The following NCOR2 variants were observed in gnomAD, a reference collection of about 807,000 sequenced individuals.
NCOR2 encodes CTG repeat protein 26.
A neutral mutation model predicts 262.9 loss-of-function variants in NCOR2; 81 were observed. The observed-to-expected ratio is 0.31, with a 90% CI of 0.26 to 0.37. The LOEUF (loss-of-function observed/expected upper bound fraction) is 0.37, where lower values mean the gene tolerates loss of function less well. Ranked by LOEUF, NCOR2 falls within the 10% of genes least tolerant of loss-of-function variation. The pLI, the probability that NCOR2 is intolerant of heterozygous loss-of-function variation, is 1.00. For synonymous variants in NCOR2, 1,659 were observed against 1,559.3 expected (o/e 1.06, Z -1.51); for missense variants, 3,385 against 3,621.4 (o/e 0.93, Z 1.68).
intron 5 of NCOR2, among the ~76,000 whole-genome samples, chr12:124,459,417 G>C (rs566283623): frequency 6.6e-6 from 1 of 152,046 alleles, no homozygotes; most frequent in East Asian, 1.9e-4. Flanking sequence ...CCTGCTCCAC[G>C]GTCTTCTCTG....
chr12:124,446,003 G>A (rs773026428), intron 7 of NCOR2, among the ~76,000 whole-genome samples: 1 of 152,254 alleles, frequency 6.6e-6, no homozygotes, highest in Non-Finnish European at 1.5e-5. Flanking sequence ...TCCCACTTGA[G>A]GTCCCTGTGT....
At chr12:124,553,267 A>G (rs1176105263) in intron 1 of NCOR2, among the ~76,000 whole-genome samples, 1 of 152,212 alleles carries the variant, frequency 6.6e-6, no homozygotes, top group Non-Finnish European at 1.5e-5. Context: ...ATAATCTAGG[A>G]TAATCTCCCA....
exon 4 of NCOR2, chr12:124,473,033 C>T: frequency 1.2e-6 from 2 of 1,614,164 alleles, no homozygotes; most frequent in Non-Finnish European, 1.7e-6. Flanking sequence ...GGATCAGCTC[C>T]TCCTTGGACA....
At chr12:124,439,861 C>T (rs571762708) in intron 7 of NCOR2, among the ~76,000 whole-genome samples, 21 of 151,826 alleles carry the variant, frequency 1.4e-4, no homozygotes, top group African/African-American at 4.1e-4. Context: ...AGACAAGACC[C>T]GAAGAAAGGG....
intron 7 of NCOR2, among the ~76,000 whole-genome samples, chr12:124,445,255 C>T (rs554577253): frequency 6.6e-6 from 1 of 152,330 alleles, no homozygotes; most frequent in East Asian, 1.9e-4. Flanking sequence ...CATAGACTCC[C>T]GGGAATTCCT....
At chr12:124,412,640 T>C (rs183828898) in intron 13 of NCOR2, among the ~76,000 whole-genome samples, 9 of 152,336 alleles carry the variant, frequency 5.9e-5, no homozygotes, top group South Asian at 4.1e-4. Context: ...ATGGGTGGTC[T>C]GGGCTGTGGG....
At chr12:124,335,100 A>C (rs749982452) in intron 40 of NCOR2, 35 bp downstream of exon 42, 45 of 1,612,066 alleles carry the variant, frequency 2.8e-5, no homozygotes, top group Non-Finnish European at 3.7e-5. Flanking sequence ...CCCAGGTGCA[A>C]AGGTGACAAG....
intron 33 of NCOR2, among the ~76,000 whole-genome samples, chr12:124,342,663 C>G (rs117216700): frequency 0.035 from 5,286 of 152,226 alleles, 133 homozygotes; most frequent in Middle Eastern, 0.065. Context: ...CCACCGTGCC[C>G]GGCAACTTTT....
intron 34 of NCOR2, 138 bp downstream of exon 36, chr12:124,341,685 C>G: frequency 7.5e-7 from 1 of 1,335,716 alleles, no homozygotes; most frequent in Non-Finnish European, 1.0e-6. Context: ...CAACCCCAGG[C>G]CACCCACTCA....
chr12:124,559,326 G>C (rs764902574), intron 1 of NCOR2, among the ~76,000 whole-genome samples: 31 of 152,172 alleles, frequency 2.0e-4, no homozygotes, highest in Non-Finnish European at 3.8e-4. Flanking sequence ...AGGTCTCCGG[G>C]TACCACAGTG....
chr12:124,546,416 TTTTTG>T (rs571051700), intron 1 of NCOR2, among the ~76,000 whole-genome samples: 36 of 152,054 alleles, frequency 2.4e-4, no homozygotes, highest in South Asian at 1.9e-3. Flanking sequence ...GGGTTTTGGG[TTTTTG>T]TTTTGTTTTG....
chr12:124,457,977 G>A lies in NCOR2; in HGVS notation c.706-815C>T, dbSNP rs376853614. Among the ~76,000 whole-genome samples, 13 of 152,206 alleles carry A rather than the reference G, an allele frequency of 8.5e-5. No homozygotes were observed. Among genetic ancestry groups the A allele is most frequent in the African/African-American group, 2.9e-4 (12 of 41,460 alleles). On this transcript the variant is annotated intron_variant, in intron 5 of 46. Coordinates refer to ENST00000405201, the Ensembl canonical transcript of NCOR2. The surrounding 1 kb of genome is among the most constrained non-coding windows in gnomAD (Gnocchi z 4.0). ...AAGGTGGCTTCATGGGGGCTGTGGC[G>A]GAGGGCAGGGGCAGAATTTGCGTGG...
At chr12:124,398,035 T>A in intron 16 of NCOR2, 84 bp downstream of exon 18, 1 of 1,531,172 alleles carries the variant, frequency 6.5e-7, no homozygotes, top group Non-Finnish European at 9.0e-7. Flanking sequence ...CAAGGCCAAA[T>A]GTGTCAACAC....
At chr12:124,564,243 C>T (rs533279081) in intron 1 of NCOR2, among the ~76,000 whole-genome samples, 2 of 152,232 alleles carry the variant, frequency 1.3e-5, no homozygotes, top group Non-Finnish European at 2.9e-5. Flanking sequence ...CCAAGCATCA[C>T]TTCCCTGGGG....
chr12:124,502,719 T>C (rs1328434699), intron 1 of NCOR2, among the ~76,000 whole-genome samples: 1 of 152,136 alleles, frequency 6.6e-6, no homozygotes, highest in Non-Finnish European at 1.5e-5. Flanking sequence ...TGGTGCACTT[T>C]AAACAAGGCT....
intron 18 of NCOR2, among the ~76,000 whole-genome samples, chr12:124,375,880 C>T (rs949993942): frequency 2.6e-5 from 4 of 152,214 alleles, no homozygotes; most frequent in Admixed American, 2.0e-4. Context: ...CCACTGCCCC[C>T]GGGGAGGGGC....
chr12:124,452,313 T>C (rs565636964), intron 6 of NCOR2, among the ~76,000 whole-genome samples: 1 of 152,330 alleles, frequency 6.6e-6, no homozygotes, highest in East Asian at 1.9e-4. Context: ...CACTGGCTCC[T>C]TTATGTTCCC....
chr12:124,400,873 G>GGA (rs769543481), intron 14 of NCOR2, among the ~76,000 whole-genome samples, 200 bp from the exon 17 acceptor site: 5 of 152,204 alleles, frequency 3.3e-5, no homozygotes, highest in Non-Finnish European at 7.3e-5. Context: ...ACCAGAAGTG[G>GGA]GAGTACAGCT....
chr12:124,445,085 C>A (rs1204088228), intron 7 of NCOR2, among the ~76,000 whole-genome samples: 1 of 152,138 alleles, frequency 6.6e-6, no homozygotes, highest in African/African-American at 2.4e-5. Context: ...AATCAGGCTG[C>A]GAAAAGAGAA....
Sources: allele counts gnomAD v4.1 joint callset (sites outside exome capture counted in the v4.1 genomes callset), GRCh38; gene constraint gnomAD v4.1.1; non-coding constraint Gnocchi (gnomAD v3.1); transcripts MANE v1.5; gene names NCBI Gene and HGNC (gene_info 2026-07-23, HGNC 2026-07-21).